CDYL2: variants seen among roughly 807,000 people sequenced by gnomAD.
CDYL2 encodes chromodomain Y-like protein 2.
CDYL2 carries 23 observed loss-of-function variants against 49.4 expected under a neutral mutation model. The ratio of observed to expected loss-of-function variants is 0.47; its 90% CI spans 0.34 to 0.66. The LOEUF is 0.66. CDYL2 is among the 30% of genes least tolerant of loss of function. CDYL2 has a pLI of 0.01. For synonymous variants in CDYL2, 360 were observed against 268.8 expected, an observed-to-expected ratio of 1.34 and a Z score of -3.32; for missense variants, 678 against 656.4, an observed-to-expected ratio of 1.03 and a Z score of -0.36.
intron 1 of CDYL2, chr16:80,738,807 G>A (rs1905631250): frequency 6.6e-6 from 1 of 152,108 alleles, no homozygotes; most frequent in South Asian, 2.1e-4. Context: ...GGTAACTTTG[G>A]GCAAATTATT....
chr16:80,717,213 T>A (rs1482299917), intron 1 of CDYL2, among the ~76,000 whole-genome samples: 2 of 152,026 alleles, frequency 1.3e-5, no homozygotes, highest in Non-Finnish European at 2.9e-5. Flanking sequence ...TGACACACAG[T>A]GTGGTGACTA....
At chr16:80,629,713 T>C (rs915957970) in intron 3 of CDYL2, among the ~76,000 whole-genome samples, 1 of 152,196 alleles carries the variant, frequency 6.6e-6, no homozygotes, top group African/African-American at 2.4e-5. Context: ...AATGTATGAA[T>C]TTCTGCCCAT....
chr16:80,716,864 T>G (rs1186764401), intron 1 of CDYL2, among the ~76,000 whole-genome samples: 1 of 150,926 alleles, frequency 6.6e-6, no homozygotes, highest in Non-Finnish European at 1.5e-5. Flanking sequence ...AATGTATGTA[T>G]GGATGGATGG....
chr16:80,623,069 G>A (rs9927571), intron 3 of CDYL2, among the ~76,000 whole-genome samples: 3 of 152,110 alleles, frequency 2.0e-5, no homozygotes, highest in Non-Finnish European at 4.4e-5. Flanking sequence ...AGCTTCCTGC[G>A]GAGATGGTAC....
intron 3 of CDYL2, among the ~76,000 whole-genome samples, chr16:80,621,490 T>C (rs951595107): frequency 2.6e-5 from 4 of 152,252 alleles, no homozygotes; most frequent in African/African-American, 9.6e-5. Context: ...CTGGTCCAAA[T>C]TCTGGCTCTG....
At chr16:80,728,062 G>A (rs369351135) in intron 1 of CDYL2, among the ~76,000 whole-genome samples, 61 of 152,346 alleles carry the variant, frequency 4.0e-4, no homozygotes, top group East Asian at 2.1e-3. Context: ...TCCAAAGGAT[G>A]GCAGTTCCTC....
At chr16:80,703,137 C>T (rs573001188) in intron 1 of CDYL2, among the ~76,000 whole-genome samples, 12 of 152,292 alleles carry the variant, frequency 7.9e-5, no homozygotes, top group African/African-American at 2.9e-4. Flanking sequence ...CACATACACA[C>T]ACACCTGGGC....
At chr16:80,738,433 A>G (rs574138671) in intron 1 of CDYL2, among the ~76,000 whole-genome samples, 5 of 152,324 alleles carry the variant, frequency 3.3e-5, no homozygotes, top group African/African-American at 1.2e-4. Context: ...AGGAAACAAA[A>G]AGAAATGAGT....
chr16:80,712,104 T>C (rs1312601251), intron 1 of CDYL2, among the ~76,000 whole-genome samples: 1 of 147,888 alleles, frequency 6.8e-6, no homozygotes, highest in East Asian at 2.0e-4. Flanking sequence ...TATATGTGTA[T>C]ATATGTGTAT....
rs959637712 is a variant in CDYL2 at position 80,684,799 on chromosome 16, C to G, written c.355G>C (p.Gly119Arg). Residue 119 changes from glycine to arginine, a missense_variant, in exon 2 of 7, where the codon GGG (glycine) becomes CGG (arginine). Physicochemically the swap from Gly to Arg is moderately radical, Grantham distance 125. Around this residue, in one of 3 missense-constraint regions of CDYL2, gnomAD observed 478 missense variants for 427.0 expected, o/e 1.12. Transcript: ENST00000570137. ...INPPLAKPKK[G>R]YSGKPSSGGD... Reference sequence around the variant, plus strand: ...CCTGAAGAGGGCTTGCCTGAATACCCTTTTTTTGGCTTGGCCAGGGGAGGG... The same window carrying G: ...CCTGAAGAGGGCTTGCCTGAATACCGTTTTTTTGGCTTGGCCAGGGGAGGG... 4.3e-6 allele frequency: 7 copies of G among 1,614,000 alleles called. No individual in the cohort carries two copies. The highest frequency in any genetic ancestry group is 1.3e-5 in the African/African-American group (1 of 74,896).
At chr16:80,614,225 C>G (rs2142367576) in intron 4 of CDYL2, among the ~76,000 whole-genome samples, 1 of 152,354 alleles carries the variant, frequency 6.6e-6, no homozygotes, top group South Asian at 2.1e-4. Context: ...TTTCCCTCTT[C>G]TTCCCAGGTC....
intron 2 of CDYL2, among the ~76,000 whole-genome samples, chr16:80,681,892 T>C (rs578217230): frequency 9.9e-5 from 15 of 152,236 alleles, no homozygotes; most frequent in African/African-American, 3.6e-4. Context: ...GCACCCAGCA[T>C]GGTGAATAAC....
At chr16:80,607,707 G>A (rs553591550) in intron 6 of CDYL2, among the ~76,000 whole-genome samples, 18 of 152,364 alleles carry the variant, frequency 1.2e-4, no homozygotes, top group African/African-American at 4.1e-4. Flanking sequence ...GGTGTGTACA[G>A]CTTTCTCTAG....
chr16:80,672,854 G>T (rs1393705669), intron 2 of CDYL2, among the ~76,000 whole-genome samples: 1 of 152,230 alleles, frequency 6.6e-6, no homozygotes, highest in African/African-American at 2.4e-5. Flanking sequence ...TCTGTTGTTG[G>T]TGCAATTGCT....
intron 1 of CDYL2, among the ~76,000 whole-genome samples, chr16:80,774,590 A>G (rs1907019499): frequency 6.6e-6 from 1 of 152,188 alleles, no homozygotes; most frequent in Non-Finnish European, 1.5e-5. Context: ...GAGGTAACAG[A>G]TATGTTAATT....
At chr16:80,656,963 G>A (rs1223813572) in intron 2 of CDYL2, among the ~76,000 whole-genome samples, 1 of 152,216 alleles carries the variant, frequency 6.6e-6, no homozygotes, top group Non-Finnish European at 1.5e-5. Context: ...CAAGGGATGT[G>A]ATATCCACGG....
chr16:80,669,133 AT>A (rs1004438176), intron 2 of CDYL2, among the ~76,000 whole-genome samples: 16 of 151,264 alleles, frequency 1.1e-4, no homozygotes, highest in South Asian at 4.2e-4. Context: ...GCAGTAAAAG[AT>A]TTTTTTTTAA....
chr16:80,640,506 G>A (rs903351114), intron 2 of CDYL2, among the ~76,000 whole-genome samples: 6 of 151,916 alleles, frequency 3.9e-5, no homozygotes, highest in Admixed American at 1.3e-4. Flanking sequence ...CATCTGTGGC[G>A]GCTACAGGGA....
At chr16:80,633,871 T>G (rs1316867600) in intron 2 of CDYL2, among the ~76,000 whole-genome samples, 3 of 152,144 alleles carry the variant, frequency 2.0e-5, no homozygotes, top group African/African-American at 7.2e-5. Context: ...GGCCTGAAAG[T>G]GCCCTCCTGA....
Sources: allele counts gnomAD v4.1 joint callset (sites outside exome capture counted in the v4.1 genomes callset), GRCh38; gene constraint gnomAD v4.1.1; regional missense constraint gnomAD v4.1.1; transcripts MANE v1.5; gene names NCBI Gene and HGNC (gene_info 2026-07-23, HGNC 2026-07-21).